The following SPATS2 variants were observed in gnomAD, a reference collection of about 807,000 sequenced individuals.
SPATS2 encodes spermatogenesis-associated serine-rich protein 2.
Under a neutral mutation model 63.7 loss-of-function variants are expected in SPATS2, and 38 were observed. The observed-to-expected ratio is 0.60, with a 90% confidence interval of 0.46 to 0.78. The LOEUF (loss-of-function observed/expected upper bound fraction) is 0.78. Among genes scored for constraint, SPATS2 ranks in the 30% least tolerant of loss-of-function variants. SPATS2 has a pLI of 0.00. For synonymous variants in SPATS2, 207 were observed against 232.9 expected, an observed-to-expected ratio of 0.89 and a Z score of 1.01; for missense variants, 588 against 666.2, an observed-to-expected ratio of 0.88 and a Z score of 1.29.
intron 4 of SPATS2, among the ~76,000 whole-genome samples, chr12:49,486,733 A>T (rs953551579): frequency 4.0e-5 from 6 of 151,034 alleles, no homozygotes; most frequent in Admixed American, 3.3e-4. Flanking sequence ...GTGAGCCGAG[A>T]TTGTGCCACT....
At position 49,494,755 on chromosome 12, in the gene SPATS2, A is replaced by G; in HGVS notation, c.279A>G (p.Lys93=). Residue 93 remains lysine, a synonymous_variant, in exon 7 of 14, where the codon AAA becomes AAG. Transcript: ENST00000552918. ...AATAACTTTAGAACAAAAAGAAGAA[A>G]AACAAACCGAAACCTGCCGCAGAAC... ...VTGKKKNKKK[K]NKPKPAAEPS... is the part of the protein sequence containing the mutation. The G allele has an allele frequency of 6.4e-7, 1 of 1,554,060 alleles. No individual in the cohort carries two copies. The highest frequency in any genetic ancestry group is 8.7e-7 in the Non-Finnish European group (1 of 1,153,720).
chr12:49,484,780 A>C (rs999701689), intron 4 of SPATS2, 111 bp downstream of exon 4: 2 of 887,832 alleles, frequency 2.3e-6, no homozygotes. Context: ...TTAAGAATAA[A>C]ACAATGCCAC....
intron 4 of SPATS2, among the ~76,000 whole-genome samples, chr12:49,488,699 C>T (rs1300772212): frequency 6.6e-6 from 1 of 151,658 alleles, no homozygotes; most frequent in Non-Finnish European, 1.5e-5. Flanking sequence ...TAGAAAAAAT[C>T]TAAAACAATA....
chr12:49,456,166 TACCTTTCCC>T (rs1390184581), intron 2 of SPATS2, among the ~76,000 whole-genome samples: 1 of 152,204 alleles, frequency 6.6e-6, no homozygotes, highest in African/African-American at 2.4e-5. Flanking sequence ...TTGGTAGAAC[TACCTTTCCC>T]AGTCACCTTG....
At chr12:49,507,715 T>TG (rs1419713271) in intron 9 of SPATS2, among the ~76,000 whole-genome samples, 1 of 152,198 alleles carries the variant, frequency 6.6e-6, no homozygotes, top group Non-Finnish European at 1.5e-5. Flanking sequence ...AATGTGATCT[T>TG]TTCACTTAAA....
At chr12:49,524,587 T>A in intron 12 of SPATS2, 95 bp from the exon 13 acceptor site, 1 of 1,313,248 alleles carries the variant, frequency 7.6e-7, no homozygotes, top group Non-Finnish European at 1.1e-6. Flanking sequence ...CAGTTCTTTA[T>A]CTTAAATTGC....
At chr12:49,478,618 A>C (rs947915745) in intron 3 of SPATS2, among the ~76,000 whole-genome samples, 1 of 152,142 alleles carries the variant, frequency 6.6e-6, no homozygotes, top group Non-Finnish European at 1.5e-5. Flanking sequence ...TCTGCTCTTG[A>C]GTTTACTTTT....
At chr12:49,489,351 G>A in intron 4 of SPATS2, 114 bp from the exon 5 acceptor site, 1 of 696,770 alleles carries the variant, frequency 1.4e-6, no homozygotes, top group Non-Finnish European at 2.4e-6. Context: ...ACACTAAAGA[G>A]TGATACATAT....
At chr12:49,392,611 G>C (rs1356195814) in intron 2 of SPATS2, among the ~76,000 whole-genome samples, 3 of 151,864 alleles carry the variant, frequency 2.0e-5, no homozygotes, top group Non-Finnish European at 4.4e-5. Flanking sequence ...TACTCAGGAA[G>C]CTGAGGCAGG....
intron 2 of SPATS2, among the ~76,000 whole-genome samples, chr12:49,410,810 A>AT (rs1435701779): frequency 6.6e-6 from 1 of 151,244 alleles, no homozygotes; most frequent in Non-Finnish European, 1.5e-5. Context: ...GGAAACCAGC[A>AT]TTTTCTCCAC....
chr12:49,425,670 C>T (rs1945062091), intron 2 of SPATS2, among the ~76,000 whole-genome samples: 1 of 151,574 alleles, frequency 6.6e-6, no homozygotes, highest in African/African-American at 2.4e-5. Context: ...TTCTCTGTTG[C>T]CCAGGCTGGA....
At chr12:49,503,012 CT>C (rs1316209165) in intron 9 of SPATS2, among the ~76,000 whole-genome samples, 1 of 152,180 alleles carries the variant, frequency 6.6e-6, no homozygotes, top group Non-Finnish European at 1.5e-5. Flanking sequence ...GCACCATGCC[CT>C]TTGCACTGCA....
At chr12:49,367,346 G>A (rs1201756974), upstream of SPATS2, 6 of 391,120 alleles carry the variant, frequency 1.5e-5, no homozygotes, top group Non-Finnish European at 2.3e-5. Context: ...CGAGGGTCGG[G>A]GTGATCTGCT....
chr12:49,518,995 C>A, intron 10 of SPATS2, 78 bp from the exon 11 acceptor site: 1 of 1,193,000 alleles, frequency 8.4e-7, no homozygotes. Flanking sequence ...CAAATACCTA[C>A]TGCAAGGCTT....
At chr12:49,446,103 C>T (rs1388224318) in intron 2 of SPATS2, among the ~76,000 whole-genome samples, 1 of 151,854 alleles carries the variant, frequency 6.6e-6, no homozygotes, top group African/African-American at 2.4e-5. Context: ...GGGGTTTCAC[C>T]ATGTTGCCCA....
intron 2 of SPATS2, among the ~76,000 whole-genome samples, chr12:49,448,491 AT>A (rs1303810765): frequency 1.3e-5 from 2 of 151,152 alleles, no homozygotes; most frequent in Non-Finnish European, 1.5e-5. Flanking sequence ...TCCTTTGTGA[AT>A]TTTTTTTCTT....
chr12:49,521,088 G>A (rs1359544867), intron 11 of SPATS2, among the ~76,000 whole-genome samples: 5 of 152,112 alleles, frequency 3.3e-5, no homozygotes, highest in African/African-American at 7.2e-5. Flanking sequence ...GGATATTCAC[G>A]GATGGTTGTG....
intron 9 of SPATS2, among the ~76,000 whole-genome samples, chr12:49,508,157 C>T (rs1046015324): frequency 2.0e-5 from 3 of 151,946 alleles, no homozygotes; most frequent in Non-Finnish European, 2.9e-5. Flanking sequence ...CTACACCACA[C>T]GTTTTCATCT....
intron 3 of SPATS2, among the ~76,000 whole-genome samples, chr12:49,466,344 G>A (rs900269559): frequency 2.6e-5 from 4 of 151,976 alleles, no homozygotes; most frequent in African/African-American, 4.8e-5. Context: ...TGTATTTTTA[G>A]TAGAGACAGG....
Sources: allele counts gnomAD v4.1 joint callset (sites outside exome capture counted in the v4.1 genomes callset), GRCh38; gene constraint gnomAD v4.1.1; transcripts MANE v1.5; gene names NCBI Gene and HGNC (gene_info 2026-07-23, HGNC 2026-07-21).